Variants in FHOD3 observed in about 807,000 individuals in gnomAD.
The protein encoded by FHOD3 is FH1/FH2 domain-containing protein 3.
FHOD3 carries 90 observed loss-of-function variants against 173.0 expected under a neutral mutation model. The observed-to-expected ratio is 0.52, with a 90% confidence interval of 0.44 to 0.62. The LOEUF (loss-of-function observed/expected upper bound fraction) is 0.62. FHOD3 is among the 20% of genes least tolerant of loss of function. FHOD3 has a pLI of 0.00. For synonymous variants in FHOD3, 828 were observed against 823.0 expected, an observed-to-expected ratio of 1.01 and a Z score of -0.10; for missense variants, 1,945 against 2,034.7, an observed-to-expected ratio of 0.96 and a Z score of 0.85.
chr18:36,448,187 A>G (rs1318948264), intron 3 of FHOD3, among the ~76,000 whole-genome samples: 2 of 152,186 alleles, frequency 1.3e-5, no homozygotes, highest in African/African-American at 2.4e-5. Context: ...TTTGAATTTA[A>G]AAGGCAAGTG....
At chr18:36,667,180 T>C (rs1411408228) in intron 14 of FHOD3, among the ~76,000 whole-genome samples, 1 of 152,236 alleles carries the variant, frequency 6.6e-6, no homozygotes, top group South Asian at 2.1e-4. Context: ...GTTGTCTTTG[T>C]ATGTACATGT....
intron 14 of FHOD3, 84 bp downstream of exon 14, chr18:36,658,272 T>G: frequency 1.2e-6 from 1 of 867,498 alleles, no homozygotes; most frequent in Non-Finnish European, 1.8e-6. Flanking sequence ...AGGAAAAATA[T>G]AAATAAAAGA....
intron 8 of FHOD3, 47 bp downstream of exon 8, chr18:36,602,815 T>A: frequency 7.1e-7 from 1 of 1,411,064 alleles, no homozygotes; most frequent in South Asian, 1.1e-5. Context: ...TAAAAAGATA[T>A]GTTAAAGCCC....
intron 10 of FHOD3, among the ~76,000 whole-genome samples, chr18:36,629,863 G>A (rs2034385544): frequency 6.6e-6 from 1 of 152,096 alleles, no homozygotes; most frequent in Admixed American, 6.6e-5. Context: ...TGACCGGGGT[G>A]ATTTTGCCAC....
chr18:36,412,701 T>C (rs2049419246), intron 3 of FHOD3, among the ~76,000 whole-genome samples: 1 of 152,222 alleles, frequency 6.6e-6, no homozygotes, highest in Non-Finnish European at 1.5e-5. Flanking sequence ...CATTTCAGGC[T>C]TTTTTTGTTT....
chr18:36,505,093 A>G (rs1442187560), intron 4 of FHOD3, among the ~76,000 whole-genome samples: 1 of 152,250 alleles, frequency 6.6e-6, no homozygotes, highest in Non-Finnish European at 1.5e-5. Context: ...GGATGCACCA[A>G]TGGGAGGTTC....
At chr18:36,687,796 C>A (rs2038720975) in intron 16 of FHOD3, among the ~76,000 whole-genome samples, 1 of 152,140 alleles carries the variant, frequency 6.6e-6, no homozygotes, top group Non-Finnish European at 1.5e-5. Flanking sequence ...CTGTAAACTA[C>A]TTTATTTCTT....
At chr18:36,647,565 A>C (rs74341501) in intron 10 of FHOD3, among the ~76,000 whole-genome samples, 1 of 152,204 alleles carries the variant, frequency 6.6e-6, no homozygotes, top group South Asian at 2.1e-4. Context: ...GAACCCAAGC[A>C]TATCTTATGA....
At chr18:36,544,079 T>G (rs556523905) in intron 5 of FHOD3, among the ~76,000 whole-genome samples, 1 of 152,274 alleles carries the variant, frequency 6.6e-6, no homozygotes, top group South Asian at 2.1e-4. Context: ...GTCACATGAG[T>G]GAGAGCTTCT....
intron 2 of FHOD3, among the ~76,000 whole-genome samples, chr18:36,358,791 C>T (rs940483935): frequency 5.3e-5 from 8 of 152,130 alleles, no homozygotes; most frequent in African/African-American, 1.7e-4. Flanking sequence ...TTCTCCTGCT[C>T]TGGCTAATTT....
At chr18:36,690,941 A>G (rs1330252813) in intron 16 of FHOD3, among the ~76,000 whole-genome samples, 2 of 152,148 alleles carry the variant, frequency 1.3e-5, no homozygotes, top group Non-Finnish European at 2.9e-5. Context: ...ATTTTTGTCT[A>G]ACACATAAAC....
chr18:36,680,001 G>C (rs2038130074), intron 14 of FHOD3, among the ~76,000 whole-genome samples: 1 of 152,136 alleles, frequency 6.6e-6, no homozygotes, highest in Non-Finnish European at 1.5e-5. Context: ...ATTAGGTTTG[G>C]CTGGATACAG....
intron 4 of FHOD3, among the ~76,000 whole-genome samples, chr18:36,508,079 GT>G (rs1374967832): frequency 2.6e-5 from 4 of 152,122 alleles, no homozygotes. Flanking sequence ...CAACAAAACT[GT>G]TTACAATAAT....
chr18:36,548,332 T>C (rs764166778), intron 5 of FHOD3, among the ~76,000 whole-genome samples: 40 of 152,246 alleles, frequency 2.6e-4, no homozygotes, highest in Non-Finnish European at 1.2e-4. Flanking sequence ...TGATATTTCC[T>C]GTTAGTTTTG....
chr18:36,380,043 A>G (rs1458712158), intron 3 of FHOD3, among the ~76,000 whole-genome samples: 2 of 152,178 alleles, frequency 1.3e-5, no homozygotes, highest in Non-Finnish European at 2.9e-5. Context: ...TATTAGAAAT[A>G]CCTAATGGGA....
intron 3 of FHOD3, among the ~76,000 whole-genome samples, chr18:36,420,936 A>AT (rs982786575): frequency 5.9e-5 from 9 of 152,158 alleles, no homozygotes; most frequent in African/African-American, 1.9e-4. Context: ...GTAGTGCTGG[A>AT]TTTTTTATGT....
At chr18:36,699,349 G>A (rs879431505) in intron 17 of FHOD3, among the ~76,000 whole-genome samples, 1 of 152,248 alleles carries the variant, frequency 6.6e-6, no homozygotes, top group Non-Finnish European at 1.5e-5. Flanking sequence ...AGGCACTTGG[G>A]ATGAACAAGT....
intron 4 of FHOD3, among the ~76,000 whole-genome samples, chr18:36,510,934 C>T (rs1421207895): frequency 6.6e-6 from 1 of 152,118 alleles, no homozygotes; most frequent in African/African-American, 2.4e-5. Context: ...CAAAGGGAGC[C>T]TTTGCTGAGC....
chr18:36,642,848 G>A (rs1053431970), intron 10 of FHOD3, among the ~76,000 whole-genome samples: 4 of 151,386 alleles, frequency 2.6e-5, no homozygotes, highest in African/African-American at 9.7e-5. Flanking sequence ...TTAAATATGT[G>A]TTTATCACTG....
Sources: allele counts gnomAD v4.1 joint callset (sites outside exome capture counted in the v4.1 genomes callset), GRCh38; gene constraint gnomAD v4.1.1; transcripts MANE v1.5; gene names NCBI Gene and HGNC (gene_info 2026-07-23, HGNC 2026-07-21).